The following PLCXD3 variants were observed in gnomAD, a reference collection of about 807,000 sequenced individuals.
The protein encoded by PLCXD3 is phosphatidylinositol specific phospholipase C X domain containing 3.
A neutral mutation model predicts 25.5 loss-of-function variants in PLCXD3; 19 were observed. That is an observed-to-expected ratio of 0.75 (90% CI 0.52 to 1.09). The LOEUF (loss-of-function observed/expected upper bound fraction) is 1.09. PLCXD3 is among the 50% of genes least tolerant of loss of function. PLCXD3 has a pLI of 0.00. For missense variants in PLCXD3, 411 were observed against 388.1 expected, an observed-to-expected ratio of 1.06 and a Z score of -0.50; for synonymous variants, 174 against 137.6, an observed-to-expected ratio of 1.26 and a Z score of -1.85.
intron 1 of PLCXD3, among the ~76,000 whole-genome samples, chr5:41,396,888 T>C (rs1318306825): frequency 1.3e-5 from 2 of 152,202 alleles, no homozygotes; most frequent in East Asian, 3.9e-4. Flanking sequence ...ATTTAAAATA[T>C]CTGGCTGAAG....
chr5:41,428,374 G>GTTTTT lies in PLCXD3; in HGVS notation c.104-45845_104-45841dup, dbSNP rs373244601. Among the ~76,000 whole-genome samples the GTTTTT allele has an allele frequency of 1.3e-4, 12 of 91,636 alleles. 2 individuals are homozygous for GTTTTT. The highest frequency in any genetic ancestry group is 1.4e-4 in the Non-Finnish European group (6 of 43,078). The allele number at this position is 91,636 out of a possible 152,430, so 60.1% of individuals were successfully genotyped here. A position where few individuals can be genotyped will look rare whatever the true frequency, so the allele number is the denominator to read the frequency against. On this transcript the variant is annotated intron_variant, in intron 1 of 2. Coordinates refer to ENST00000377801, the MANE Select transcript of PLCXD3 (RefSeq NM_001005473.3). ...TAAAGAGGTGATTAAGTTAAAATGA[G>GTTTTT]TTTTTTTGTTTTTGTTTTTGTTTTT...
chr5:41,439,709 T>A (rs1747336180), intron 1 of PLCXD3, among the ~76,000 whole-genome samples: 1 of 152,340 alleles, frequency 6.6e-6, no homozygotes, highest in Middle Eastern at 3.4e-3. Flanking sequence ...GTTACTACTA[T>A]TTGGATATTT....
At chr5:41,388,002 A>G (rs895881048) in intron 1 of PLCXD3, among the ~76,000 whole-genome samples, 8 of 152,148 alleles carry the variant, frequency 5.3e-5, no homozygotes, top group Non-Finnish European at 1.0e-4. Context: ...ATGCAAAAGT[A>G]GCCTTGCTTT....
chr5:41,337,554 A>G (rs977449319), intron 2 of PLCXD3, among the ~76,000 whole-genome samples: 1 of 152,198 alleles, frequency 6.6e-6, no homozygotes, highest in Non-Finnish European at 1.5e-5. Context: ...CAGAAATTTC[A>G]CTTTCTTTAG....
chr5:41,342,314 C>T (rs773570947), intron 2 of PLCXD3, among the ~76,000 whole-genome samples: 34 of 152,140 alleles, frequency 2.2e-4, no homozygotes, highest in East Asian at 1.5e-3. Flanking sequence ...TGTTGAAGAG[C>T]GAGCCTAGAA....
chr5:41,439,853 A>G (rs145237132), intron 1 of PLCXD3, among the ~76,000 whole-genome samples: 3 of 152,342 alleles, frequency 2.0e-5, no homozygotes, highest in Admixed American at 1.3e-4. Context: ...TAGATTCTCC[A>G]GGGACACAAA....
At chr5:41,435,505 C>A (rs1747226888) in intron 1 of PLCXD3, among the ~76,000 whole-genome samples, 1 of 152,148 alleles carries the variant, frequency 6.6e-6, no homozygotes. Flanking sequence ...GCATGTGGTG[C>A]ACAGTGCACT....
intron 2 of PLCXD3, among the ~76,000 whole-genome samples, chr5:41,356,062 C>T (rs562125042): frequency 4.7e-5 from 7 of 150,066 alleles, no homozygotes; most frequent in African/African-American, 7.4e-5. Flanking sequence ...GTCAGGAGTT[C>T]GAGACCAGCC....
intron 1 of PLCXD3, among the ~76,000 whole-genome samples, chr5:41,459,497 G>T (rs1032635156): frequency 8.6e-5 from 13 of 151,798 alleles, no homozygotes; most frequent in Non-Finnish European, 1.3e-4. Flanking sequence ...AATTTTTAAA[G>T]ATTTGTACAT....
chr5:41,437,472 A>C (rs772243473), intron 1 of PLCXD3, among the ~76,000 whole-genome samples: 1 of 152,216 alleles, frequency 6.6e-6, no homozygotes, highest in Non-Finnish European at 1.5e-5. Flanking sequence ...GTGAGGGAAG[A>C]CCTTCTTGCA....
At chr5:41,334,216 G>A (rs1294685529) in intron 2 of PLCXD3, among the ~76,000 whole-genome samples, 2 of 152,034 alleles carry the variant, frequency 1.3e-5, no homozygotes, top group African/African-American at 4.8e-5. Flanking sequence ...AACCTTCTGA[G>A]TCTCAATTTT....
At chr5:41,501,516 TG>T (rs1175236919) in intron 1 of PLCXD3, among the ~76,000 whole-genome samples, 1 of 152,000 alleles carries the variant, frequency 6.6e-6, no homozygotes, top group Non-Finnish European at 1.5e-5. Flanking sequence ...AGTGGAATGC[TG>T]GTTGCCAGAG....
chr5:41,420,687 G>A (rs1283772586), intron 1 of PLCXD3, among the ~76,000 whole-genome samples: 1 of 152,176 alleles, frequency 6.6e-6, no homozygotes, highest in Admixed American at 6.5e-5. Context: ...AATGCTTGCA[G>A]AGAGAATTTA....
intron 1 of PLCXD3, among the ~76,000 whole-genome samples, chr5:41,399,142 G>C (rs1416280437): frequency 6.6e-6 from 1 of 152,036 alleles, no homozygotes; most frequent in Non-Finnish European, 1.5e-5. Context: ...CTTAACCAAA[G>C]AAGTGAAAGA....
At chr5:41,441,170 C>T (rs12655197) in intron 1 of PLCXD3, among the ~76,000 whole-genome samples, 58,317 of 152,010 alleles carry the variant, frequency 0.38, 13,181 homozygotes, top group Non-Finnish European at 0.49. Flanking sequence ...AAGACAGCAA[C>T]CTGAAAAGAC....
chr5:41,489,771 T>C lies in PLCXD3; in HGVS notation c.103+20653A>G, dbSNP rs1038866449. 7.2e-5 allele frequency among the ~76,000 whole-genome samples: 11 copies of C among 151,990 alleles called. No individual in the cohort carries two copies. The South Asian group carries it at 1.2e-3, about 17-fold the overall frequency. ...GGTGTATAAGAATGCTTGTGATTTT[T>C]GTACATTGATTTTGTATCCTGAGAC... On this transcript the variant is annotated intron_variant, in intron 1 of 2. Coordinates refer to ENST00000377801, the MANE Select transcript of PLCXD3 (RefSeq NM_001005473.3).
chr5:41,395,158 TAAC>T (rs1053089922), intron 1 of PLCXD3, among the ~76,000 whole-genome samples: 29 of 152,216 alleles, frequency 1.9e-4, no homozygotes, highest in African/African-American at 6.7e-4. Flanking sequence ...AACTCAATTT[TAAC>T]AACAAGATGA....
In PLCXD3 at chr5:41,332,657, C is replaced by T. The variant is rs980146799; in HGVS notation, c.813-18887G>A. Among the ~76,000 whole-genome samples, 415 of 152,028 alleles carry T rather than the reference C, an allele frequency of 2.7e-3. 4 individuals carry two copies. Among genetic ancestry groups the T allele is most frequent in the African/African-American group, 7.7e-3 (319 of 41,456 alleles). On this transcript the variant is annotated intron_variant, in intron 2 of 2. Coordinates refer to ENST00000377801, the MANE Select transcript of PLCXD3 (RefSeq NM_001005473.3). ...GACACATGCACACATATGTTTATTG[C>T]GGCACTATTCACAATAGCAAAGACT...
At chr5:41,334,794 G>A (rs1305892825) in intron 2 of PLCXD3, among the ~76,000 whole-genome samples, 1 of 152,072 alleles carries the variant, frequency 6.6e-6, no homozygotes, top group Non-Finnish European at 1.5e-5. Context: ...AATGCACTCT[G>A]TCCTCAGGCT....
Sources: allele counts gnomAD v4.1 joint callset (sites outside exome capture counted in the v4.1 genomes callset), GRCh38; gene constraint gnomAD v4.1.1; transcripts MANE v1.5; gene names NCBI Gene and HGNC (gene_info 2026-07-23, HGNC 2026-07-21).